CELF2: variants seen among roughly 807,000 people sequenced by gnomAD.
CELF2 encodes the protein CUGBP Elav-like family member 2.
Under a neutral mutation model 62.6 loss-of-function variants are expected in CELF2, and 8 were observed. The observed-to-expected ratio is 0.13, with a 90% CI of 0.07 to 0.23. The LOEUF (loss-of-function observed/expected upper bound fraction) is 0.23, where lower values mean the gene tolerates loss of function less well. Ranked by LOEUF, CELF2 falls within the 10% of genes least tolerant of loss-of-function variation. The pLI is 1.00. For missense variants in CELF2, 333 were observed against 671.0 expected (o/e 0.50, Z 5.56); for synonymous variants, 258 against 250.0 (o/e 1.03, Z -0.30).
intron 1 of CELF2, among the ~76,000 whole-genome samples, chr10:11,116,342 G>A (rs897715820): frequency 6.6e-6 from 1 of 152,196 alleles, no homozygotes; most frequent in Non-Finnish European, 1.5e-5. Flanking sequence ...GACTTAGTTT[G>A]ACAAGAAATC....
Position 11,222,804 on chromosome 10 carries a change from C to T in CELF2, c.354+5297C>T, listed in dbSNP as rs558943765. Among the ~76,000 whole-genome samples the T allele has an allele frequency of 7.9e-5, 12 of 152,220 alleles. No homozygotes were observed. In the South Asian group the frequency reaches 2.5e-3, roughly 32 times the overall value. On this transcript the variant is annotated intron_variant, in intron 3 of 12. Transcript: ENST00000633077. Reference sequence around the variant, plus strand: ...ATTTTCTAAAAAAAGATAATTATGCCTAAAAATATTTCAAATGTTCCAAAA... The same window carrying T: ...ATTTTCTAAAAAAAGATAATTATGCTTAAAAATATTTCAAATGTTCCAAAA...
chr10:11,219,108 T>C (rs1012789246), intron 3 of CELF2, among the ~76,000 whole-genome samples: 1 of 152,210 alleles, frequency 6.6e-6, no homozygotes, highest in African/African-American at 2.4e-5. Context: ...ATTTAAGGTA[T>C]AGTGTAGTTT....
intron 2 of CELF2, among the ~76,000 whole-genome samples, chr10:10,969,988 G>C (rs771313205): frequency 6.6e-6 from 1 of 152,200 alleles, no homozygotes; most frequent in Non-Finnish European, 1.5e-5. Context: ...CCAAGCCATG[G>C]AGGGGGGCGG....
rs1590805699 is a variant in CELF2, at chr10:11,290,285, C to T, written c.976+1733C>T. 2.6e-5 allele frequency among the ~76,000 whole-genome samples: 4 copies of T among 152,168 alleles called. No homozygotes were observed. On this transcript the variant is annotated intron_variant, in intron 9 of 12. Transcript: ENST00000633077. The surrounding 1 kb of genome is among the most constrained non-coding windows in gnomAD (Gnocchi z 4.3). Reference sequence around the variant, plus strand: ...GAAAGGGGACTGGAGGAGGTGACCCCTCTCTCAAAAGGTGACCTTTGAGCA... The same window carrying T: ...GAAAGGGGACTGGAGGAGGTGACCCTTCTCTCAAAAGGTGACCTTTGAGCA...
the CELF2 span, among the ~76,000 whole-genome samples, chr10:10,672,950 AT>A: frequency 6.6e-6 from 1 of 152,018 alleles, no homozygotes; most frequent in Non-Finnish European, 1.5e-5. Flanking sequence ...CATGTATTTA[AT>A]TATTATTTGA....
In CELF2 at chr10:11,314,553, G is replaced by A; in HGVS notation, c.1096+295G>A. 2.3e-6 allele frequency: 1 copy of A among 443,564 alleles called. No homozygotes were observed. The highest frequency in any genetic ancestry group is 5.1e-5 in the East Asian group (1 of 19,796). 27.5% of individuals were successfully genotyped at this position (443,564 alleles called of 1,614,324 possible). The stretch of plus-strand genomic sequence containing the variant: ...TTCAGGTTTCCAGGAGTTTGGTTTG[G>A]TTTGGTTTCGGTCGGTTCTGTCCTG... On this transcript the variant is annotated intron_variant, in intron 10 of 12. Transcript: ENST00000633077. The surrounding 1 kb of genome is among the most constrained non-coding windows in gnomAD (Gnocchi z 5.3).
At chr10:10,718,148 T>C in the CELF2 span, among the ~76,000 whole-genome samples, 1 of 152,190 alleles carries the variant, frequency 6.6e-6, no homozygotes, top group Non-Finnish European at 1.5e-5. Context: ...AACAAACCAA[T>C]TCAATTTTCT....
At chr10:11,112,974 A>G (rs1050100608) in intron 1 of CELF2, among the ~76,000 whole-genome samples, 4 of 151,982 alleles carry the variant, frequency 2.6e-5, no homozygotes, top group African/African-American at 9.7e-5. Flanking sequence ...CGTAGCCTAT[A>G]TCTGAAGCTT....
chr10:11,215,712 T>G (rs2063174680), intron 2 of CELF2, among the ~76,000 whole-genome samples: 1 of 152,140 alleles, frequency 6.6e-6, no homozygotes, highest in African/African-American at 2.4e-5. Flanking sequence ...TCACTGAGAC[T>G]GTGTTTGCTA....
chr10:11,198,530 T>C (rs1382719403), intron 2 of CELF2, among the ~76,000 whole-genome samples: 1 of 152,252 alleles, frequency 6.6e-6, no homozygotes, highest in East Asian at 1.9e-4. Flanking sequence ...CATCTGAACA[T>C]AGGTAGACCT....
the CELF2 span, among the ~76,000 whole-genome samples, chr10:10,504,629 C>A: frequency 3.2e-4 from 49 of 152,174 alleles, no homozygotes; most frequent in South Asian, 1.2e-3. Context: ...CCACTACCCA[C>A]CTCCTTCTTT....
At chr10:11,031,286 C>G (rs1279728189) in intron 1 of CELF2, among the ~76,000 whole-genome samples, 1 of 152,166 alleles carries the variant, frequency 6.6e-6, no homozygotes, top group East Asian at 1.9e-4. Context: ...ATAAATGAGC[C>G]TCTATGCAGG....
chr10:10,544,284 T>C, the CELF2 span, among the ~76,000 whole-genome samples: 1 of 152,198 alleles, frequency 6.6e-6, no homozygotes, highest in African/African-American at 2.4e-5. Context: ...TTACTCCTCC[T>C]GGCAGGGAGC....
intron 9 of CELF2, among the ~76,000 whole-genome samples, chr10:11,295,283 T>G (rs1022784030): frequency 7.2e-5 from 11 of 152,174 alleles, no homozygotes; most frequent in African/African-American, 2.7e-4. Flanking sequence ...TGGAGACACA[T>G]CAGTAGACAA....
intron 1 of CELF2, among the ~76,000 whole-genome samples, chr10:11,026,625 C>T (rs994515775): frequency 2.0e-5 from 3 of 152,222 alleles, no homozygotes; most frequent in Non-Finnish European, 4.4e-5. Context: ...ATAACCAGTA[C>T]AGAGTACAGC....
chr10:10,672,580 C>T, the CELF2 span, among the ~76,000 whole-genome samples: 1 of 151,294 alleles, frequency 6.6e-6, no homozygotes, highest in Non-Finnish European at 1.5e-5. Flanking sequence ...ATTGCCTTTG[C>T]TCCATTGTCA....
chr10:11,031,128 C>T (rs1441751905), intron 1 of CELF2, among the ~76,000 whole-genome samples: 2 of 152,202 alleles, frequency 1.3e-5, no homozygotes, highest in Non-Finnish European at 1.5e-5. Context: ...GGTGGCGCTA[C>T]GCCTTCTTGT....
the CELF2 span, among the ~76,000 whole-genome samples, chr10:10,779,279 C>T: frequency 6.6e-6 from 1 of 152,198 alleles, no homozygotes; most frequent in Admixed American, 6.5e-5. Flanking sequence ...CCTACTTTCC[C>T]TAACACAGGC....
chr10:10,722,890 T>C, the CELF2 span, among the ~76,000 whole-genome samples: 1 of 152,300 alleles, frequency 6.6e-6, no homozygotes, highest in Non-Finnish European at 1.5e-5. Flanking sequence ...ATTTCAGAAC[T>C]GGGCAGGCTA....
Sources: gnomAD v4.1 joint callset for allele counts (sites outside exome capture counted in the v4.1 genomes callset) on GRCh38, gnomAD v4.1.1 for gene constraint, Gnocchi (gnomAD v3.1) non-coding constraint, MANE v1.5 for transcripts, NCBI Gene and HGNC (gene_info 2026-07-23, HGNC 2026-07-21) for gene names.